SLC22A15: variants seen among roughly 807,000 people sequenced by gnomAD.
The protein encoded by SLC22A15 is flipt 1.
A neutral mutation model predicts 62.7 loss-of-function variants in SLC22A15; 45 were observed. The observed-to-expected ratio is 0.72, with a 90% CI of 0.56 to 0.92. The LOEUF is 0.92. Ranked by LOEUF, SLC22A15 falls within the 40% of genes least tolerant of loss-of-function variation. The pLI, the probability that SLC22A15 is intolerant of heterozygous loss-of-function variation, is 0.00. For missense variants in SLC22A15, 622 were observed against 665.6 expected, an observed-to-expected ratio of 0.93 and a Z score of 0.72; for synonymous variants, 264 against 267.0, an observed-to-expected ratio of 0.99 and a Z score of 0.11.
In SLC22A15 at chr1:116,043,806, T is replaced by G. The variant is rs140180669; in HGVS notation, c.1171+6418T>G. On this transcript the variant is annotated intron_variant, in intron 8 of 11. Coordinates refer to ENST00000369503, the MANE Select transcript of SLC22A15 (RefSeq NM_018420.3). ...CACTATAGAACCTATAGGCATTTAA[T>G]AAGGGAATATTATGAACATTTTTAT... Among the ~76,000 whole-genome samples the G allele has an allele frequency of 5.3e-3, 810 of 152,274 alleles. 2 individuals carry two copies. Among genetic ancestry groups the G allele is most frequent in the Middle Eastern group, 0.01 (3 of 294 alleles).
intron 4 of SLC22A15, among the ~76,000 whole-genome samples, chr1:116,026,611 A>C (rs1657106278): frequency 6.6e-6 from 1 of 152,250 alleles, no homozygotes; most frequent in Non-Finnish European, 1.5e-5. Flanking sequence ...CAGGCAATGC[A>C]GAAAGCATTT....
At chr1:116,055,539 T>C (rs1308751276) in intron 8 of SLC22A15, among the ~76,000 whole-genome samples, 2 of 148,686 alleles carry the variant, frequency 1.3e-5, no homozygotes, top group Non-Finnish European at 3.0e-5. Flanking sequence ...GAGGGAATCC[T>C]CCTTAAGTCA....
At chr1:115,978,181 G>C (rs1654413736) in intron 1 of SLC22A15, among the ~76,000 whole-genome samples, 1 of 151,754 alleles carries the variant, frequency 6.6e-6, no homozygotes, top group African/African-American at 2.4e-5. Context: ...ATCCTTTCTT[G>C]AACAATCCCA....
intron 2 of SLC22A15, among the ~76,000 whole-genome samples, chr1:116,007,623 T>C (rs954931759): frequency 2.0e-5 from 3 of 152,168 alleles, no homozygotes; most frequent in South Asian, 2.1e-4. Flanking sequence ...AACCACTTTT[T>C]AAAAATGCAC....
chr1:116,053,262 A>G (rs921121057), intron 8 of SLC22A15, among the ~76,000 whole-genome samples: 6 of 152,266 alleles, frequency 3.9e-5, no homozygotes, highest in Admixed American at 1.3e-4. Flanking sequence ...AGAATGCAGA[A>G]GCCTCAGGAG....
At chr1:116,014,537 A>G (rs1484241942) in intron 2 of SLC22A15, among the ~76,000 whole-genome samples, 1 of 152,198 alleles carries the variant, frequency 6.6e-6, no homozygotes, top group South Asian at 2.1e-4. Flanking sequence ...CTCCTTTTCT[A>G]TTAATATATG....
intron 2 of SLC22A15, among the ~76,000 whole-genome samples, chr1:116,004,694 A>T (rs781188657): frequency 4.6e-4 from 70 of 152,196 alleles, no homozygotes; most frequent in Non-Finnish European, 8.7e-4. Context: ...AGCTTTATAA[A>T]ATGAATTGGA....
At chr1:115,984,816 G>T (rs1654778632) in intron 1 of SLC22A15, among the ~76,000 whole-genome samples, 1 of 151,316 alleles carries the variant, frequency 6.6e-6, no homozygotes, top group African/African-American at 2.4e-5. Context: ...TAATGTGTGT[G>T]TGTCTTAGGT....
At chr1:116,039,106 C>A (rs906154956) in intron 8 of SLC22A15, among the ~76,000 whole-genome samples, 7 of 152,168 alleles carry the variant, frequency 4.6e-5, no homozygotes, top group Non-Finnish European at 1.0e-4. Context: ...CAGCTTGGAC[C>A]TTTGTTGATT....
intron 6 of SLC22A15, among the ~76,000 whole-genome samples, chr1:116,034,489 G>A (rs10923960): frequency 0.094 from 14,375 of 152,182 alleles, 850 homozygotes; most frequent in African/African-American, 0.15. Context: ...TTTGTTTCAG[G>A]AACGGTGTAC....
At chr1:116,000,686 A>G (rs1215464761) in intron 2 of SLC22A15, among the ~76,000 whole-genome samples, 2 of 127,386 alleles carry the variant, frequency 1.6e-5, no homozygotes, top group Admixed American at 1.0e-4. Flanking sequence ...GCTGGAGTGC[A>G]GTGGCTTGAT....
chr1:116,048,957 T>C (rs929640341), intron 8 of SLC22A15, among the ~76,000 whole-genome samples: 1 of 152,196 alleles, frequency 6.6e-6, no homozygotes, highest in Non-Finnish European at 1.5e-5. Flanking sequence ...GCTATTCTTA[T>C]ATCAGACAAA....
intron 8 of SLC22A15, among the ~76,000 whole-genome samples, chr1:116,047,297 C>T (rs1438171289): frequency 3.3e-5 from 5 of 152,004 alleles, no homozygotes; most frequent in African/African-American, 7.2e-5. Flanking sequence ...CATGGTGGCA[C>T]GCAGCTGTAG....
chr1:116,002,131 G>C (rs1161773161), intron 2 of SLC22A15, among the ~76,000 whole-genome samples: 1 of 152,226 alleles, frequency 6.6e-6, no homozygotes, highest in Non-Finnish European at 1.5e-5. Flanking sequence ...GTTAAGATCT[G>C]GGAGAATTTC....
At chr1:116,022,656 G>A (rs555602724) in intron 4 of SLC22A15, among the ~76,000 whole-genome samples, 1 of 152,142 alleles carries the variant, frequency 6.6e-6, no homozygotes, top group Non-Finnish European at 1.5e-5. Context: ...CTTGCTAGTT[G>A]CCTAAAGCCA....
chr1:116,047,258 C>T (rs932547306), intron 8 of SLC22A15, among the ~76,000 whole-genome samples: 4 of 152,114 alleles, frequency 2.6e-5, no homozygotes, highest in African/African-American at 9.7e-5. Context: ...GAAACACCGT[C>T]TCTCCTAAAA....
intron 8 of SLC22A15, among the ~76,000 whole-genome samples, chr1:116,056,461 AT>A (rs1221324702): frequency 2.0e-5 from 3 of 150,414 alleles, no homozygotes; most frequent in Non-Finnish European, 4.4e-5. Flanking sequence ...AATCAATATC[AT>A]GAAAATGGCC....
intron 8 of SLC22A15, among the ~76,000 whole-genome samples, chr1:116,060,058 G>A (rs1658339301): frequency 6.6e-6 from 1 of 152,102 alleles, no homozygotes; most frequent in Non-Finnish European, 1.5e-5. Flanking sequence ...ACATTCATTG[G>A]TAACAGCCAA....
chr1:116,023,587 T>C (rs1173672378), intron 4 of SLC22A15, among the ~76,000 whole-genome samples: 2 of 152,152 alleles, frequency 1.3e-5, no homozygotes, highest in Non-Finnish European at 2.9e-5. Flanking sequence ...TTTTTTTAGA[T>C]AAAAAGGTGG....
Sources: allele counts gnomAD v4.1 joint callset (sites outside exome capture counted in the v4.1 genomes callset), GRCh38; gene constraint gnomAD v4.1.1; transcripts MANE v1.5; gene names NCBI Gene and HGNC (gene_info 2026-07-23, HGNC 2026-07-21).